The following DSCAM variants were observed in gnomAD, a reference collection of about 807,000 sequenced individuals.
DSCAM encodes the protein DS cell adhesion molecule.
A neutral mutation model predicts 217.7 loss-of-function variants in DSCAM; 47 were observed. The observed-to-expected ratio is 0.22, with a 90% CI of 0.17 to 0.28. DSCAM has a LOEUF of 0.28. DSCAM is among the 10% of genes least tolerant of loss of function. The pLI is 1.00. For synonymous variants in DSCAM, 1,056 were observed against 1,015.3 expected, an observed-to-expected ratio of 1.04 and a Z score of -0.76; for missense variants, 2,080 against 2,618.3, an observed-to-expected ratio of 0.79 and a Z score of 4.49.
chr21:40,251,848 T>C (rs2073308940), intron 11 of DSCAM, among the ~76,000 whole-genome samples: 1 of 152,158 alleles, frequency 6.6e-6, no homozygotes, highest in Non-Finnish European at 1.5e-5. Context: ...TGTTTTCTTT[T>C]CTTTCTTTTT....
At chr21:40,185,458 G>A (rs73904724) in intron 14 of DSCAM, among the ~76,000 whole-genome samples, 10,895 of 152,128 alleles carry the variant, frequency 0.072, 1,238 homozygotes, top group African/African-American at 0.24. Flanking sequence ...ACCAGCATCC[G>A]GCAATGCCCG....
At chr21:40,745,135 T>G (rs1472819337) in intron 1 of DSCAM, among the ~76,000 whole-genome samples, 3 of 152,096 alleles carry the variant, frequency 2.0e-5, no homozygotes, top group Non-Finnish European at 4.4e-5. Context: ...AAAAAAAGAT[T>G]GAAGAAGGCC....
intron 3 of DSCAM, among the ~76,000 whole-genome samples, chr21:40,416,790 A>G (rs960735163): frequency 6.6e-6 from 1 of 152,244 alleles, no homozygotes; most frequent in African/African-American, 2.4e-5. Context: ...TGGTTGGATT[A>G]TAGAGCAAGA....
chr21:40,640,386 C>T (rs2089863099), intron 3 of DSCAM, among the ~76,000 whole-genome samples: 4 of 152,172 alleles, frequency 2.6e-5, no homozygotes, highest in African/African-American at 2.4e-5. Flanking sequence ...CTTGTCTCTG[C>T]CCTTACCATG....
rs1403503126 is a variant in DSCAM at position 40,144,396 on chromosome 21, G to A, written c.3259+95C>T. On this transcript the variant is annotated intron_variant, in intron 17 of 32. Coordinates refer to ENST00000400454, the MANE Select transcript of DSCAM (RefSeq NM_001389.5). The surrounding 1 kb of genome is among the most constrained non-coding windows in gnomAD (Gnocchi z 4.8). ...GCCCTGCAGGTCACTGCAAAGTCGT[G>A]GGGCGGGGGAGTGCGAGGTTGGGGG... The A allele has an allele frequency of 1.2e-5, 19 of 1,552,682 alleles. No individual in the cohort carries two copies. Among genetic ancestry groups the A allele is most frequent in the Non-Finnish European group, 1.5e-5 (17 of 1,145,600 alleles).
At chr21:40,453,176 CTT>C (rs950916533) in intron 3 of DSCAM, among the ~76,000 whole-genome samples, 2 of 151,488 alleles carry the variant, frequency 1.3e-5, no homozygotes, top group Non-Finnish European at 2.9e-5. Flanking sequence ...TAAAATCAAG[CTT>C]AATGTATAAC....
chr21:40,031,007 G>C (rs541159790), intron 32 of DSCAM, among the ~76,000 whole-genome samples: 1 of 152,186 alleles, frequency 6.6e-6, no homozygotes, highest in Admixed American at 6.5e-5. Context: ...GGTCTGGCTG[G>C]TTCACTGTAC....
intron 3 of DSCAM, among the ~76,000 whole-genome samples, chr21:40,631,662 AGGT>A (rs1165795838): frequency 7.2e-5 from 11 of 152,332 alleles, no homozygotes; most frequent in Non-Finnish European, 1.5e-4. Flanking sequence ...CAGCACATTT[AGGT>A]GGTGTTCCAT....
At chr21:40,584,045 A>G (rs1459306809) in intron 3 of DSCAM, among the ~76,000 whole-genome samples, 3 of 152,200 alleles carry the variant, frequency 2.0e-5, no homozygotes, top group Non-Finnish European at 2.9e-5. Context: ...TATGCCCCCA[A>G]AAACCTGTAG....
At chr21:40,211,761 C>T (rs1339629417) in intron 11 of DSCAM, among the ~76,000 whole-genome samples, 4 of 152,156 alleles carry the variant, frequency 2.6e-5, no homozygotes, top group South Asian at 2.1e-4. Flanking sequence ...GAAGTGTTAT[C>T]ACACTTTCCA....
intron 16 of DSCAM, among the ~76,000 whole-genome samples, chr21:40,156,309 GA>G: frequency 1.4e-5 from 2 of 145,758 alleles, no homozygotes; most frequent in Non-Finnish European, 3.0e-5. Context: ...GAGAGAGAGA[GA>G]GAGAGAGAGA....
chr21:40,828,187 G>A (rs779263563), intron 1 of DSCAM, among the ~76,000 whole-genome samples: 29 of 152,180 alleles, frequency 1.9e-4, no homozygotes, highest in Non-Finnish European at 3.5e-4. Context: ...GGGACTGTTT[G>A]AGCCCAGGAG....
At chr21:40,348,446 T>G (rs112706374) in intron 5 of DSCAM, among the ~76,000 whole-genome samples, 3 of 120,096 alleles carry the variant, frequency 2.5e-5, no homozygotes, top group African/African-American at 9.4e-5. Flanking sequence ...TCATACCCCA[T>G]ACGGTTCCTA....
At chr21:40,246,979 G>A (rs1454184063) in intron 11 of DSCAM, among the ~76,000 whole-genome samples, 2 of 152,166 alleles carry the variant, frequency 1.3e-5, no homozygotes, top group African/African-American at 2.4e-5. Flanking sequence ...GCATCATGGG[G>A]CGCAGGGAAA....
intron 3 of DSCAM, among the ~76,000 whole-genome samples, chr21:40,570,719 C>T (rs145909853): frequency 5.9e-5 from 9 of 152,004 alleles, no homozygotes; most frequent in African/African-American, 1.7e-4. Flanking sequence ...ACTATCAGGA[C>T]GTAACTGTAT....
intron 25 of DSCAM, 81 bp downstream of exon 25, chr21:40,080,071 G>A: frequency 8.0e-7 from 1 of 1,242,668 alleles, no homozygotes; most frequent in Non-Finnish European, 1.1e-6. Flanking sequence ...CGTAAAACAT[G>A]ATGGATCTTT....
chr21:40,433,596 GATTT>G (rs975991457), intron 3 of DSCAM, among the ~76,000 whole-genome samples: 3 of 152,318 alleles, frequency 2.0e-5, no homozygotes, highest in Non-Finnish European at 4.4e-5. Context: ...GCAGAGGTAG[GATTT>G]ATTTTTTTCT....
At chr21:40,752,751 C>T (rs868601223) in intron 1 of DSCAM, among the ~76,000 whole-genome samples, 29 of 151,886 alleles carry the variant, frequency 1.9e-4, no homozygotes, top group Middle Eastern at 6.8e-3. Flanking sequence ...TCAAAGGAAG[C>T]CCTGAAAATA....
intron 21 of DSCAM, 30 bp from the exon 22 acceptor site, chr21:40,087,317 T>C: frequency 6.4e-7 from 1 of 1,552,068 alleles, no homozygotes; most frequent in Non-Finnish European, 8.9e-7. Context: ...GGAATCCTGA[T>C]TACTCCACAG....
Sources: allele counts gnomAD v4.1 joint callset (sites outside exome capture counted in the v4.1 genomes callset), GRCh38; gene constraint gnomAD v4.1.1; non-coding constraint Gnocchi (gnomAD v3.1); transcripts MANE v1.5; gene names NCBI Gene and HGNC (gene_info 2026-07-23, HGNC 2026-07-21).